The following BPTF variants were observed in gnomAD, a reference collection of about 807,000 sequenced individuals.
The protein encoded by BPTF is bromodomain PHD finger transcription factor, also known as nucleosome-remodeling factor subunit BPTF.
A neutral mutation model predicts 292.5 loss-of-function variants in BPTF; 18 were observed. That is an observed-to-expected ratio of 0.06 (90% CI 0.04 to 0.09). The LOEUF is 0.09. BPTF is among the 10% of genes least tolerant of loss of function. The probability of loss-of-function intolerance (pLI) is 1.00; values close to 1 mark genes in which losing one functional copy is unlikely to be tolerated. For missense variants in BPTF, 2,726 were observed against 3,498.7 expected (o/e 0.78, Z 5.57); for synonymous variants, 1,225 against 1,251.9 (o/e 0.98, Z 0.45).
At chr17:67,933,446 G>A (rs978191187) in intron 18 of BPTF, among the ~76,000 whole-genome samples, 1 of 151,830 alleles carries the variant, frequency 6.6e-6, no homozygotes, top group African/African-American at 2.4e-5. Context: ...GAGCACGCCT[G>A]TAGTCCCAGC....
intron 3 of BPTF, among the ~76,000 whole-genome samples, chr17:67,869,434 TG>T (rs1481447085): frequency 6.6e-6 from 1 of 152,184 alleles, no homozygotes; most frequent in Non-Finnish European, 1.5e-5. Context: ...ATAGGGGAAT[TG>T]ATAAATTTCA....
intron 18 of BPTF, among the ~76,000 whole-genome samples, 195 bp downstream of exon 18, chr17:67,932,214 G>C (rs1161016263): frequency 6.6e-6 from 1 of 152,212 alleles, no homozygotes; most frequent in Non-Finnish European, 1.5e-5. Flanking sequence ...ATAGGTTGAA[G>C]TATGCTTATT....
intron 15 of BPTF, 29 bp downstream of exon 15, chr17:67,924,618 T>C: frequency 6.2e-7 from 1 of 1,604,278 alleles, no homozygotes; most frequent in Non-Finnish European, 8.5e-7. Context: ...GCAGAGGACA[T>C]CAAGGCCCAA....
At chr17:67,875,140 A>G in intron 4 of BPTF, 120 bp downstream of exon 4, 1 of 838,228 alleles carries the variant, frequency 1.2e-6, no homozygotes, top group Non-Finnish European at 1.9e-6. Flanking sequence ...ATATTTCTAA[A>G]GAGATCAGGA....
intron 23 of BPTF, among the ~76,000 whole-genome samples, chr17:67,953,822 C>T (rs575718407): frequency 2.0e-5 from 3 of 152,120 alleles, no homozygotes; most frequent in East Asian, 1.9e-4. Flanking sequence ...TCAGGTTATC[C>T]ACCCACCTCA....
intron 23 of BPTF, among the ~76,000 whole-genome samples, chr17:67,948,687 A>G (rs1555676836): frequency 1.3e-5 from 2 of 152,202 alleles, no homozygotes. Context: ...ACATGAGTCC[A>G]TTAAATAAGA....
intron 3 of BPTF, among the ~76,000 whole-genome samples, chr17:67,874,158 G>A (rs149844960): frequency 2.5e-4 from 38 of 152,290 alleles, no homozygotes; most frequent in African/African-American, 5.5e-4. Context: ...CCATGAGTGC[G>A]TACTGATATA....
chr17:67,870,158 C>G (rs1368109241), intron 3 of BPTF, among the ~76,000 whole-genome samples: 1 of 151,972 alleles, frequency 6.6e-6, no homozygotes, highest in East Asian at 1.9e-4. Flanking sequence ...CAGTTATCCT[C>G]TTAGTACTAC....
intron 1 of BPTF, 45 bp downstream of exon 1, chr17:67,826,382 C>G: frequency 6.4e-7 from 1 of 1,563,312 alleles, no homozygotes; most frequent in Non-Finnish European, 8.7e-7. Context: ...CCCACCTCCT[C>G]TGCCCTCCCC....
chr17:67,928,753 T>A, intron 16 of BPTF, 152 bp downstream of exon 16: 1 of 1,100,770 alleles, frequency 9.1e-7, no homozygotes, highest in Non-Finnish European at 1.3e-6. Context: ...TTGTTACAAA[T>A]AATGTTCATA....
intron 27 of BPTF, among the ~76,000 whole-genome samples, chr17:67,980,444 C>T (rs1310909313): frequency 6.6e-6 from 1 of 152,256 alleles, no homozygotes. Flanking sequence ...AGGAGCACAA[C>T]TTCTCATTAT....
chr17:67,925,782 A>G (rs1342728997), intron 15 of BPTF, among the ~76,000 whole-genome samples: 2 of 151,988 alleles, frequency 1.3e-5, no homozygotes, highest in African/African-American at 4.8e-5. Flanking sequence ...CATTTTTTCA[A>G]ATTCTTGTGT....
At position 67,923,471 on chromosome 17, in the gene BPTF, CTTTTTTTTTT is replaced by C. The variant is rs58462646; in HGVS notation, c.5708+501_5708+510del. 1.2e-3 allele frequency among the ~76,000 whole-genome samples: 79 copies of C among 67,514 alleles called. 1 individual carries two copies. In the South Asian group the frequency reaches 0.015, roughly 13 times the overall value. 44.3% of individuals were successfully genotyped at this position (67,514 alleles called of 152,430 possible). ...GTTTAGTAAGGTCCTCTCTCTCTGT[CTTTTTTTTTT>C]TTTTTTTTTTTTTTTTTTTGAAGCA... On this transcript the variant is annotated intron_variant, in intron 14 of 27. Transcript: ENST00000306378.
At chr17:67,903,973 T>C in intron 8 of BPTF, 55 bp downstream of exon 8, 2 of 1,443,336 alleles carry the variant, frequency 1.4e-6, no homozygotes, top group Non-Finnish European at 1.9e-6. Flanking sequence ...AGACTTTTAT[T>C]CTGAAACTTT....
Position 67,982,962 on chromosome 17 carries a change from C to G in BPTF, c.*674C>G, listed in dbSNP as rs1159143358. On this transcript the variant is annotated 3_prime_UTR_variant, in exon 28 of 28. Coordinates refer to ENST00000306378, the MANE Select transcript of BPTF (RefSeq NM_182641.4). The stretch of plus-strand genomic sequence containing the variant: ...AAAGGTTGGGCTAAGTGGTCCTGGA[C>G]TACAGACTCTGTTGCCTTGAATATA... 1 of 152,258 alleles carries G rather than the reference C, an allele frequency of 6.6e-6. No homozygotes were observed. Among genetic ancestry groups the G allele is most frequent in the Non-Finnish European group, 1.5e-5 (1 of 68,058 alleles). The allele number at this position is 152,258 out of a possible 1,614,324, so 9.4% of individuals were successfully genotyped here.
Position 67,913,081 on chromosome 17 carries a change from C to A in BPTF, c.5197C>A (p.Arg1733=), listed in dbSNP as rs1203649403. 2 of 1,613,916 alleles carry A rather than the reference C, an allele frequency of 1.2e-6. No homozygotes were observed. The highest frequency in any genetic ancestry group is 1.7e-6 in the Non-Finnish European group (2 of 1,180,024). ...LPNDDLKKLA[R]KGGIREVPYF... ...TAATGATGACTTAAAAAAGTTGGCC[C>A]GAAAAGGAGGAATCCGAGAGGTCCC... Residue 1733 remains arginine, a synonymous_variant, in exon 11 of 28, where the codon CGA becomes AGA. Coordinates refer to ENST00000306378, the MANE Select transcript of BPTF (RefSeq NM_182641.4).
At chr17:67,870,058 A>G (rs2059630790) in intron 3 of BPTF, among the ~76,000 whole-genome samples, 1 of 151,674 alleles carries the variant, frequency 6.6e-6, no homozygotes, top group South Asian at 2.1e-4. Context: ...ATGGGGAACA[A>G]CAAAGAGAAC....
chr17:67,827,639 TTCTC>T (rs1467134326), intron 1 of BPTF, among the ~76,000 whole-genome samples: 1 of 152,200 alleles, frequency 6.6e-6, no homozygotes, highest in East Asian at 1.9e-4. Flanking sequence ...TGTCATGTCT[TTCTC>T]AGAGAGACTA....
At chr17:67,855,249 T>G (rs2058621421) in intron 2 of BPTF, among the ~76,000 whole-genome samples, 1 of 152,098 alleles carries the variant, frequency 6.6e-6, no homozygotes, top group African/African-American at 2.4e-5. Context: ...TGCAGTGAGC[T>G]GAGATCACAC....
Sources: allele counts gnomAD v4.1 joint callset (sites outside exome capture counted in the v4.1 genomes callset), GRCh38; gene constraint gnomAD v4.1.1; transcripts MANE v1.5; gene names NCBI Gene and HGNC (gene_info 2026-07-23, HGNC 2026-07-21).